Variants in RAD51B observed in about 807,000 individuals in gnomAD.
RAD51B encodes the protein RAD51 paralog B, also known as DNA repair protein RAD51 homolog 2.
In RAD51B, 38 loss-of-function variants were observed where a neutral mutation model predicts 42.2. The observed-to-expected ratio is 0.90, with a 90% CI of 0.70 to 1.18. RAD51B has a LOEUF of 1.18. Ranked by LOEUF, RAD51B falls within the 50% of genes most tolerant of loss-of-function variation. The probability of loss-of-function intolerance (pLI) is 0.00; values close to 1 mark genes in which losing one functional copy is unlikely to be tolerated. For missense variants in RAD51B, 373 were observed against 400.7 expected (o/e 0.93, Z 0.59); for synonymous variants, 154 against 145.2 (o/e 1.06, Z -0.43).
intron 9 of RAD51B, among the ~76,000 whole-genome samples, chr14:68,435,280 T>C (rs111593653): frequency 0.16 from 23,963 of 152,082 alleles, 2,501 homozygotes; most frequent in Non-Finnish European, 0.23. Flanking sequence ...CATGCGGTAT[T>C]TGGTTTTCTG....
chr14:68,311,092 A>G (rs182312713), intron 8 of RAD51B, among the ~76,000 whole-genome samples: 26 of 152,278 alleles, frequency 1.7e-4, no homozygotes, highest in Admixed American at 1.7e-3. Flanking sequence ...TTAAAAAAAG[A>G]AAGAAAAGAA....
At chr14:68,333,883 T>G (rs4902567) in intron 8 of RAD51B, among the ~76,000 whole-genome samples, 2 of 152,022 alleles carry the variant, frequency 1.3e-5, no homozygotes, top group African/African-American at 4.8e-5. Flanking sequence ...TTTATTCCTC[T>G]TGTCTCATTG....
intron 9 of RAD51B, among the ~76,000 whole-genome samples, chr14:68,428,545 C>T (rs75829025): frequency 0.049 from 7,348 of 151,370 alleles, 553 homozygotes; most frequent in African/African-American, 0.17. Flanking sequence ...TTCTCCCAAT[C>T]CCTGGAAATC....
chr14:68,270,216 C>CTATA (rs1040515704), intron 7 of RAD51B, among the ~76,000 whole-genome samples: 2 of 152,156 alleles, frequency 1.3e-5, no homozygotes, highest in Non-Finnish European at 2.9e-5. Flanking sequence ...ATATATGTTG[C>CTATA]TATATCCTCA....
At chr14:68,620,875 C>G (rs1370637752) in intron 10 of RAD51B, among the ~76,000 whole-genome samples, 1 of 152,156 alleles carries the variant, frequency 6.6e-6, no homozygotes, top group Non-Finnish European at 1.5e-5. Context: ...TAAAGGAGAA[C>G]CTATGGATGG....
intron 4 of RAD51B, among the ~76,000 whole-genome samples, chr14:67,861,816 A>C (rs1224992384): frequency 1.3e-5 from 2 of 152,136 alleles, no homozygotes; most frequent in Non-Finnish European, 2.9e-5. Context: ...AAAAACACAG[A>C]ATGTTTTTAA....
At chr14:67,885,257 C>G (rs1340003136) in intron 5 of RAD51B, among the ~76,000 whole-genome samples, 3 of 152,126 alleles carry the variant, frequency 2.0e-5, no homozygotes, top group East Asian at 3.8e-4. Context: ...ACTTGTCACT[C>G]TCTTGTGTTT....
intron 10 of RAD51B, among the ~76,000 whole-genome samples, chr14:68,587,690 G>C (rs1890554749): frequency 6.6e-6 from 1 of 152,010 alleles, no homozygotes; most frequent in South Asian, 2.1e-4. Context: ...CACAGCTTCT[G>C]AGCTGCACCG....
At chr14:68,658,094 C>T (rs1203594568) in intron 11 of RAD51B, among the ~76,000 whole-genome samples, 3 of 152,224 alleles carry the variant, frequency 2.0e-5, no homozygotes, top group Non-Finnish European at 4.4e-5. Flanking sequence ...AGAAGCGCAT[C>T]GCCACTGCAC....
intron 11 of RAD51B, among the ~76,000 whole-genome samples, chr14:68,680,021 G>GT (rs142817018): frequency 0.038 from 5,764 of 152,104 alleles, 366 homozygotes; most frequent in African/African-American, 0.13. Context: ...AACTTCACTG[G>GT]TTTTTTTTCC....
chr14:67,928,966 T>A (rs987731786), intron 7 of RAD51B, among the ~76,000 whole-genome samples: 1 of 152,146 alleles, frequency 6.6e-6, no homozygotes, highest in African/African-American at 2.4e-5. Flanking sequence ...CCTTTTTCAT[T>A]TCTGAGTTTG....
At chr14:68,490,291 G>T (rs959448126) in intron 10 of RAD51B, among the ~76,000 whole-genome samples, 1 of 152,022 alleles carries the variant, frequency 6.6e-6, no homozygotes, top group Non-Finnish European at 1.5e-5. Context: ...TTATGTCATT[G>T]AAAATTAAAA....
intron 9 of RAD51B, among the ~76,000 whole-genome samples, chr14:68,461,428 G>A (rs1173451231): frequency 6.6e-6 from 1 of 151,934 alleles, no homozygotes; most frequent in African/African-American, 2.4e-5. Flanking sequence ...GTTGTATGTG[G>A]CAGATTGGGA....
chr14:67,840,605 G>A (rs920828043), intron 4 of RAD51B, among the ~76,000 whole-genome samples: 1 of 152,172 alleles, frequency 6.6e-6, no homozygotes. Context: ...GAGTGCATAT[G>A]TCTTTTTGGT....
intron 8 of RAD51B, among the ~76,000 whole-genome samples, chr14:68,332,995 G>A (rs1207052087): frequency 6.6e-6 from 1 of 152,122 alleles, no homozygotes; most frequent in African/African-American, 2.4e-5. Context: ...CCAGGAAAAT[G>A]GATAGGTAGA....
chr14:68,270,439 A>T (rs544856073), intron 7 of RAD51B, among the ~76,000 whole-genome samples: 5 of 152,190 alleles, frequency 3.3e-5, no homozygotes, highest in African/African-American at 1.2e-4. Flanking sequence ...AATTTCCCAC[A>T]GTCTTAGGCT....
rs145253165 is a variant in RAD51B, at chr14:68,098,715, G to T, written c.757-193169G>T. Among the ~76,000 whole-genome samples, 983 of 152,286 alleles carry T rather than the reference G, an allele frequency of 6.5e-3. 5 individuals carry two copies. Among genetic ancestry groups the T allele is most frequent in the Non-Finnish European group, 9.5e-3 (648 of 68,018 alleles). On this transcript the variant is annotated intron_variant, in intron 7 of 10. Transcript: ENST00000471583. ...CTCCCACAACACATGGGAATTATGG[G>T]AGTACAATTCAAGATGAGATTTGGG...
chr14:68,218,875 A>G (rs1030704093), intron 7 of RAD51B, among the ~76,000 whole-genome samples: 2 of 152,226 alleles, frequency 1.3e-5, no homozygotes, highest in Non-Finnish European at 2.9e-5. Flanking sequence ...ACTATTAGAT[A>G]TAATAGATTA....
intron 7 of RAD51B, among the ~76,000 whole-genome samples, chr14:68,268,390 T>C (rs2081035721): frequency 6.6e-6 from 1 of 152,240 alleles, no homozygotes; most frequent in Non-Finnish European, 1.5e-5. Flanking sequence ...ATTTTGTATC[T>C]TCCCCACAGG....
Sources: gnomAD v4.1 joint callset for allele counts (sites outside exome capture counted in the v4.1 genomes callset) on GRCh38, gnomAD v4.1.1 for gene constraint, MANE v1.5 for transcripts, NCBI Gene and HGNC (gene_info 2026-07-23, HGNC 2026-07-21) for gene names.